The following IL17RD variants were observed in gnomAD, a reference collection of about 807,000 sequenced individuals.
IL17RD encodes interleukin-17 receptor D.
In IL17RD, 52 loss-of-function variants were observed where a neutral mutation model predicts 80.5. The observed-to-expected ratio is 0.65, with a 90% confidence interval of 0.52 to 0.81. The LOEUF (loss-of-function observed/expected upper bound fraction) is 0.81. Among genes scored for constraint, IL17RD ranks in the 40% least tolerant of loss-of-function variants. IL17RD has a pLI of 0.00. For missense variants in IL17RD, 1,024 were observed against 955.1 expected (o/e 1.07, Z -0.95); for synonymous variants, 416 against 391.8 (o/e 1.06, Z -0.73).
intron 7 of IL17RD, 69 bp from the exon 8 acceptor site, chr3:57,104,476 C>T: frequency 9.8e-7 from 1 of 1,021,114 alleles, no homozygotes; most frequent in Non-Finnish European, 1.5e-6. Flanking sequence ...ACCTCTTCTC[C>T]CCCAGAGCTG....
At chr3:57,146,702 A>G (rs564260788) in intron 1 of IL17RD, among the ~76,000 whole-genome samples, 3 of 148,468 alleles carry the variant, frequency 2.0e-5, no homozygotes. Context: ...GTGAGCCAAG[A>G]TTACGCCACT....
intron 1 of IL17RD, among the ~76,000 whole-genome samples, chr3:57,157,508 A>C (rs2060276070): frequency 6.6e-6 from 1 of 152,174 alleles, no homozygotes. Flanking sequence ...ACTCCAAATA[A>C]GTCTTTTTGA....
rs181007100 is a variant in IL17RD at position 57,118,341 on chromosome 3, G to T, written c.184+1915C>A. 2.8e-4 allele frequency among the ~76,000 whole-genome samples: 42 copies of T among 152,312 alleles called. 2 individuals carry two copies. The East Asian group carries it at 8.1e-3, about 29-fold the overall frequency. On this transcript the variant is annotated intron_variant, in intron 2 of 12. Transcript: ENST00000296318. ...TAGCCATGCCAGCAACTGTGGGTGT[G>T]AATCTGACACACATATTTGTATCTT...
chr3:57,152,744 G>A (rs1436172692), intron 1 of IL17RD, among the ~76,000 whole-genome samples: 2 of 152,178 alleles, frequency 1.3e-5, no homozygotes, highest in Non-Finnish European at 2.9e-5. Flanking sequence ...TTAAACTAAT[G>A]AAACTGTCTG....
rs149094453 is a variant in IL17RD, at chr3:57,097,638, T to A, written c.2065A>T (p.Thr689Ser). ...MEGLSTDQTETSSLTESVSSS... is the reference protein window; with the variant it reads ...MEGLSTDQTESSSLTESVSSS... ...GACACGCTCTCCGTCAGGGAAGACGTTTCTGTCTGGTCCGTCGAGAGTCCT... is the reference window on the plus strand; with the variant it reads ...GACACGCTCTCCGTCAGGGAAGACGATTCTGTCTGGTCCGTCGAGAGTCCT... The change falls in exon 12 of 13, where the codon ACG becomes TCG. Residue 689 changes from threonine (T) to serine (S), a missense_variant. Coordinates refer to ENST00000296318, the MANE Select transcript of IL17RD (RefSeq NM_017563.5). The A allele has an allele frequency of 2.6e-5, 42 of 1,594,610 alleles. No individual in the cohort carries two copies. The highest frequency in any genetic ancestry group is 3.6e-5 in the Non-Finnish European group (42 of 1,171,162).
chr3:57,167,231 C>G (rs887818526), upstream of IL17RD, among the ~76,000 whole-genome samples: 8 of 151,910 alleles, frequency 5.3e-5, no homozygotes, highest in Non-Finnish European at 1.2e-4. Flanking sequence ...GCCTGGAATT[C>G]AGGAATTCAG....
At chr3:57,160,927 T>C (rs189613114) in intron 1 of IL17RD, among the ~76,000 whole-genome samples, 1 of 152,298 alleles carries the variant, frequency 6.6e-6, no homozygotes, top group African/African-American at 2.4e-5. Flanking sequence ...AGGGTGTCAC[T>C]TGGAGAAAAA....
intron 1 of IL17RD, among the ~76,000 whole-genome samples, chr3:57,146,017 GCACA>G (rs1006386513): frequency 6.9e-6 from 1 of 144,774 alleles, no homozygotes; most frequent in East Asian, 2.1e-4. Context: ...AAGCGTGCGC[GCACA>G]CACACACTCA....
intron 1 of IL17RD, among the ~76,000 whole-genome samples, chr3:57,120,873 T>C (rs1253838623): frequency 1.3e-5 from 2 of 152,112 alleles, no homozygotes; most frequent in African/African-American, 4.8e-5. Flanking sequence ...GTGTGGGTCA[T>C]AAAAGAAAAA....
At chr3:57,103,779 A>G (rs530766756) in intron 8 of IL17RD, among the ~76,000 whole-genome samples, 1 of 152,186 alleles carries the variant, frequency 6.6e-6, no homozygotes, top group South Asian at 2.1e-4. Flanking sequence ...ATTTCAGCTC[A>G]CTGCAACCTC....
chr3:57,104,464 A>T, intron 7 of IL17RD, 57 bp from the exon 8 acceptor site: 8 of 1,141,944 alleles, frequency 7.0e-6, no homozygotes, highest in Non-Finnish European at 1.0e-5. Flanking sequence ...GGTCTTCAGG[A>T]CACCTCTTCT....
intron 1 of IL17RD, among the ~76,000 whole-genome samples, chr3:57,129,695 T>C (rs747772090): frequency 7.2e-5 from 11 of 152,198 alleles, no homozygotes; most frequent in Non-Finnish European, 1.3e-4. Flanking sequence ...TGGAAGGCCA[T>C]CATTTTAGGT....
chr3:57,124,268 C>A (rs533244374), intron 1 of IL17RD, among the ~76,000 whole-genome samples: 1 of 152,272 alleles, frequency 6.6e-6, no homozygotes, highest in South Asian at 2.1e-4. Context: ...AGAATGATAG[C>A]CCCTTAAACG....
chr3:57,136,779 T>C (rs1474522243), intron 1 of IL17RD, among the ~76,000 whole-genome samples: 1 of 152,178 alleles, frequency 6.6e-6, no homozygotes, highest in African/African-American at 2.4e-5. Flanking sequence ...TCTCAAGAGC[T>C]TGAAATATGC....
chr3:57,097,148 T>C (rs948975367), intron 12 of IL17RD, among the ~76,000 whole-genome samples: 1 of 151,894 alleles, frequency 6.6e-6, no homozygotes, highest in African/African-American at 2.4e-5. Context: ...TGGGACCCTA[T>C]GCTGAAGGAT....
At chr3:57,110,716 T>C (rs972948840) in intron 3 of IL17RD, among the ~76,000 whole-genome samples, 1 of 152,236 alleles carries the variant, frequency 6.6e-6, no homozygotes, top group African/African-American at 2.4e-5. Flanking sequence ...CCCAAAACCA[T>C]GTTTCCACTT....
intron 1 of IL17RD, among the ~76,000 whole-genome samples, chr3:57,127,301 TATAA>T (rs1446808113): frequency 4.1e-5 from 4 of 97,866 alleles, no homozygotes; most frequent in East Asian, 2.7e-4. Flanking sequence ...TATAAATATA[TATAA>T]AAATATATAA....
At chr3:57,110,452 A>G in intron 3 of IL17RD, 141 bp from the exon 4 acceptor site, 1 of 921,952 alleles carries the variant, frequency 1.1e-6, no homozygotes, top group Admixed American at 2.4e-5. Flanking sequence ...CTGAGTCTAT[A>G]GAATGGAAAA....
Position 57,091,084 on chromosome 3 carries a change from G to C in IL17RD, c.*5309C>G, listed in dbSNP as rs1308715458. Reference sequence around the variant, plus strand: ...CAAATTAGCCCTCAAACAGCAATGGGAAGGTGGTACTTAGCAACTACTGCT... The same window carrying C: ...CAAATTAGCCCTCAAACAGCAATGGCAAGGTGGTACTTAGCAACTACTGCT... On this transcript the variant is annotated 3_prime_UTR_variant, in exon 13 of 13. Coordinates refer to ENST00000296318, the MANE Select transcript of IL17RD (RefSeq NM_017563.5). 6.6e-6 allele frequency: 1 copy of C among 152,640 alleles called. No individual in the cohort carries two copies. The highest frequency in any genetic ancestry group is 2.4e-5 in the African/African-American group (1 of 41,458). The allele number at this position is 152,640 out of a possible 1,614,324, so 9.5% of individuals were successfully genotyped here. A position where few individuals can be genotyped will look rare whatever the true frequency, so the allele number is the denominator to read the frequency against.
Sources: allele counts gnomAD v4.1 joint callset (sites outside exome capture counted in the v4.1 genomes callset), GRCh38; gene constraint gnomAD v4.1.1; transcripts MANE v1.5; gene names NCBI Gene and HGNC (gene_info 2026-07-23, HGNC 2026-07-21).